Variants in NUCB2 observed in about 807,000 individuals in gnomAD.
NUCB2 encodes nucleobindin 2.
In NUCB2, 48 loss-of-function variants were observed where a neutral mutation model predicts 57.9. The observed-to-expected ratio is 0.83, with a 90% CI of 0.66 to 1.05. The LOEUF (loss-of-function observed/expected upper bound fraction) is 1.05, where lower values mean the gene tolerates loss of function less well. NUCB2 is among the 50% of genes least tolerant of loss of function. NUCB2 has a pLI of 0.00. For missense variants in NUCB2, 442 were observed against 476.2 expected, an observed-to-expected ratio of 0.93 and a Z score of 0.67; for synonymous variants, 139 against 152.1, an observed-to-expected ratio of 0.91 and a Z score of 0.64.
intron 4 of NUCB2, among the ~76,000 whole-genome samples, chr11:17,296,956 G>T (rs921420618): frequency 6.6e-6 from 1 of 152,108 alleles, no homozygotes; most frequent in Non-Finnish European, 1.5e-5. Context: ...CAATCAGAGA[G>T]GTTTAACCAT....
chr11:17,282,354 G>A (rs527479842), intron 1 of NUCB2, among the ~76,000 whole-genome samples: 26 of 150,940 alleles, frequency 1.7e-4, no homozygotes, highest in African/African-American at 5.9e-4. Context: ...TGCTTCCCAG[G>A]TTTAAGCGAT....
intron 2 of NUCB2, among the ~76,000 whole-genome samples, chr11:17,344,276 C>A (rs1952537914): frequency 6.6e-6 from 1 of 152,124 alleles, no homozygotes; most frequent in South Asian, 2.1e-4. Flanking sequence ...TAGATCTCAG[C>A]AGGGATTATT....
rs1952490348 is a variant in NUCB2 at position 17,343,803 on chromosome 11, CT to C, written n.2627-5541del. Among the ~76,000 whole-genome samples, 3 of 152,200 alleles carry C rather than the reference CT, an allele frequency of 2.0e-5. No individual in the cohort carries two copies. The South Asian group carries it at 6.2e-4, about 32-fold the overall frequency. ...CTTTGTGTAGTGATTCTTTCTTGTTCTATGACACTTAGTAATATATCTTAGA... is the reference window on the plus strand; with the variant it reads ...CTTTGTGTAGTGATTCTTTCTTGTTCATGACACTTAGTAATATATCTTAGA... On this transcript the variant is annotated intron_variant and non_coding_transcript_variant, in intron 2 of 2. Transcript: ENST00000532240.
At chr11:17,341,292 T>C (rs1952243388) in intron 2 of NUCB2, among the ~76,000 whole-genome samples, 1 of 151,946 alleles carries the variant, frequency 6.6e-6, no homozygotes, top group Non-Finnish European at 1.5e-5. Flanking sequence ...CTTTTCCTAA[T>C]TGAATACCCT....
At chr11:17,317,973 GCTT>G (rs1949489772) in intron 11 of NUCB2, among the ~76,000 whole-genome samples, 1 of 123,528 alleles carries the variant, frequency 8.1e-6, no homozygotes. Flanking sequence ...AAAGAAGTCA[GCTT>G]TTTTTTTTTT....
intron 11 of NUCB2, among the ~76,000 whole-genome samples, chr11:17,323,722 CT>C (rs1950318312): frequency 1.3e-5 from 2 of 151,920 alleles, no homozygotes; most frequent in African/African-American, 4.8e-5. Flanking sequence ...TGCTGGGTGA[CT>C]TTTTTTTATG....
rs1951438830 is a variant in NUCB2 at position 17,331,823 on chromosome 11, T to C, written c.*404T>C. ...AACATAGGTATTCTTTTATGGGTGC[T>C]TATCATTCCTTCTTTCAATAAATGT... On this transcript the variant is annotated 3_prime_UTR_variant, in exon 14 of 14. Transcript: ENST00000529010. 1.9e-5 allele frequency: 3 copies of C among 159,854 alleles called. No homozygotes were observed. 9.9% of individuals were successfully genotyped at this position (159,854 alleles called of 1,614,324 possible). A position where few individuals can be genotyped will look rare whatever the true frequency, so the allele number is the denominator to read the frequency against.
chr11:17,287,243 G>C (rs978991178), intron 2 of NUCB2, among the ~76,000 whole-genome samples: 8 of 152,072 alleles, frequency 5.3e-5, no homozygotes, highest in Admixed American at 2.0e-4. Flanking sequence ...GAGGCAAGAG[G>C]ATCTCTTGAG....
At chr11:17,280,078 C>T (rs895918829) in intron 1 of NUCB2, among the ~76,000 whole-genome samples, 2 of 152,076 alleles carry the variant, frequency 1.3e-5, no homozygotes, top group Non-Finnish European at 2.9e-5. Flanking sequence ...CAGGCATGAG[C>T]CACTACACCT....
At position 17,317,508 on chromosome 11, in the gene NUCB2, A is replaced by G. The variant is rs532993950; in HGVS notation, c.1002+2033A>G. The G allele has an allele frequency of 1.6e-4, 60 of 368,442 alleles. No homozygotes were observed. In the East Asian group the frequency reaches 3.0e-3, roughly 18 times the overall value. 22.8% of individuals were successfully genotyped at this position (368,442 alleles called of 1,614,324 possible). ...CTCTAGACTTAGTGAGATTTTGTCA[A>G]TTTTCCCAATAATATCCTTTATAAC... On this transcript the variant is annotated intron_variant, in intron 11 of 13. Coordinates refer to ENST00000529010, the MANE Select transcript of NUCB2 (RefSeq NM_005013.4).
intron 2 of NUCB2, among the ~76,000 whole-genome samples, chr11:17,288,959 ATATATT>A (rs1194945296): frequency 3.0e-5 from 2 of 66,928 alleles, no homozygotes; most frequent in Admixed American, 3.4e-4. Flanking sequence ...ACATATATAT[ATATATT>A]TTTTTTTTTT....
At chr11:17,300,795 T>C (rs574480307) in intron 4 of NUCB2, among the ~76,000 whole-genome samples, 7 of 152,264 alleles carry the variant, frequency 4.6e-5, no homozygotes, top group African/African-American at 1.7e-4. Context: ...GGAATGGAAT[T>C]GTTGGGTCAT....
intron 2 of NUCB2, among the ~76,000 whole-genome samples, chr11:17,289,893 G>A (rs1591268783): frequency 6.6e-6 from 1 of 152,150 alleles, no homozygotes; most frequent in African/African-American, 2.4e-5. Flanking sequence ...TGGAAGTTGT[G>A]CAGCTTCTGT....
intron 2 of NUCB2, among the ~76,000 whole-genome samples, chr11:17,344,719 G>A (rs1952580776): frequency 6.6e-6 from 1 of 152,166 alleles, no homozygotes; most frequent in African/African-American, 2.4e-5. Context: ...ATTAAAACAG[G>A]GTTATCTTCT....
chr11:17,315,849 G>T (rs186293790), intron 11 of NUCB2, among the ~76,000 whole-genome samples: 206 of 152,176 alleles, frequency 1.4e-3, no homozygotes, highest in African/African-American at 4.6e-3. Flanking sequence ...ATTTGGAATG[G>T]TATGCAGTTT....
intron 4 of NUCB2, among the ~76,000 whole-genome samples, chr11:17,300,625 C>T (rs1382938343): frequency 6.6e-6 from 1 of 152,162 alleles, no homozygotes; most frequent in African/African-American, 2.4e-5. Flanking sequence ...TATGGCCAAA[C>T]AATATGCCAT....
chr11:17,338,992 A>G (rs1461170060), intron 2 of NUCB2, among the ~76,000 whole-genome samples: 3 of 142,232 alleles, frequency 2.1e-5, no homozygotes, highest in Non-Finnish European at 4.6e-5. Flanking sequence ...TATTTTATTT[A>G]TTTATTTATT....
At chr11:17,310,730 C>A in intron 6 of NUCB2, 95 bp from the exon 7 acceptor site, 1 of 935,246 alleles carries the variant, frequency 1.1e-6, no homozygotes, top group Non-Finnish European at 1.6e-6. Flanking sequence ...TCCCGTACCA[C>A]TTCTGTTCAA....
chr11:17,293,690 A>G (rs956186785), intron 2 of NUCB2, among the ~76,000 whole-genome samples: 11 of 152,238 alleles, frequency 7.2e-5, no homozygotes, highest in Admixed American at 5.9e-4. Flanking sequence ...TATGTATACA[A>G]TGGACTATCT....
Sources: allele counts gnomAD v4.1 joint callset (sites outside exome capture counted in the v4.1 genomes callset), GRCh38; gene constraint gnomAD v4.1.1; transcripts MANE v1.5; gene names NCBI Gene and HGNC (gene_info 2026-07-23, HGNC 2026-07-21).